Variants in TCF4 observed in about 807,000 individuals in gnomAD.
TCF4 encodes transcription factor 4.
In TCF4, 3 loss-of-function variants were observed where a neutral mutation model predicts 82.1. The ratio of observed to expected loss-of-function variants is 0.04; its 90% CI spans 0.02 to 0.09. TCF4 has a LOEUF of 0.09. Among genes scored for constraint, TCF4 ranks in the 10% least tolerant of loss-of-function variants. The probability of loss-of-function intolerance (pLI) is 1.00; values close to 1 mark genes in which losing one functional copy is unlikely to be tolerated. For missense variants in TCF4, 518 were observed against 852.7 expected (o/e 0.61, Z 4.89); for synonymous variants, 276 against 309.6 (o/e 0.89, Z 1.14).
Position 55,228,373 on chromosome 18 carries a change from T to A in TCF4, c.1880-12A>T. The A allele has an allele frequency of 6.2e-7, 1 of 1,613,558 alleles. No individual in the cohort carries two copies. The highest frequency in any genetic ancestry group is 8.5e-7 in the Non-Finnish European group (1 of 1,180,016). On this transcript the variant is annotated splice_polypyrimidine_tract_variant and intron_variant, in intron 18 of 19. Transcript: ENST00000354452. The stretch of plus-strand genomic sequence containing the variant: ...ATTCAGATTCCTTTCTGTGGAGGAT[T>A]AAAGCACAGAACCTTTGTTTAATGC...
At chr18:55,281,007 C>G (rs949124846) in intron 8 of TCF4, among the ~76,000 whole-genome samples, 4 of 151,940 alleles carry the variant, frequency 2.6e-5, no homozygotes, top group African/African-American at 7.3e-5. Flanking sequence ...TTTAACAAAA[C>G]AAAAACAAAC....
intron 6 of TCF4, among the ~76,000 whole-genome samples, chr18:55,368,016 C>T (rs2087714536): frequency 6.6e-6 from 1 of 152,192 alleles, no homozygotes; most frequent in Non-Finnish European, 1.5e-5. Flanking sequence ...ATCTAAGCAT[C>T]TTGAGAAATG....
rs2046453621 is a variant in TCF4 at position 55,225,346 on chromosome 18, T to C, written c.*2689A>G. 1 of 152,634 alleles carries C rather than the reference T, an allele frequency of 6.6e-6. No individual in the cohort carries two copies. Among genetic ancestry groups the C allele is most frequent in the Admixed American group, 6.5e-5 (1 of 15,274 alleles). The allele number at this position is 152,634 out of a possible 1,614,324, so 9.5% of individuals were successfully genotyped here. ...TAATCAAATGACTACAATTTACTTT[T>C]TTGCTTTGTTTACAGATTTGAAAAA... On this transcript the variant is annotated 3_prime_UTR_variant, in exon 20 of 20. Transcript: ENST00000354452.
rs12604158 is a variant in TCF4 at position 55,496,435 on chromosome 18, C to A, written c.146-32298G>T. ...AAAAAAAAAAAACCAGAAGAAAGAA[C>A]AATCTCCTAAGAACGATGATGCACA... is the stretch of plus-strand genomic sequence containing the variant. On this transcript the variant is annotated intron_variant, in intron 3 of 19. Coordinates refer to ENST00000354452, the MANE Select transcript of TCF4 (RefSeq NM_001083962.2). The A allele has an allele frequency of 1.0e-4, 15 of 146,056 alleles. No homozygotes were observed. In the East Asian group the frequency reaches 2.8e-3, roughly 27 times the overall value. The allele number at this position is 146,056 out of a possible 1,614,324, so 9.0% of individuals were successfully genotyped here.
chr18:55,481,852 T>C (rs760155599), intron 3 of TCF4, among the ~76,000 whole-genome samples: 49 of 152,328 alleles, frequency 3.2e-4, no homozygotes, highest in Admixed American at 2.6e-3. Flanking sequence ...TTATGAACAA[T>C]CTTTAAATCA....
intron 3 of TCF4, among the ~76,000 whole-genome samples, chr18:55,517,185 C>T (rs566711075): frequency 5.3e-5 from 8 of 152,262 alleles, no homozygotes; most frequent in African/African-American, 7.2e-5. Context: ...CCACATGACA[C>T]GCTTTGACCA....
chr18:55,430,650 A>C (rs2147142562), intron 5 of TCF4, among the ~76,000 whole-genome samples: 1 of 152,298 alleles, frequency 6.6e-6, no homozygotes, highest in African/African-American at 2.4e-5. Context: ...GGAAAAAAAA[A>C]AAGAGTAGTG....
chr18:55,619,436 A>G (rs1357734442), intron 2 of TCF4, among the ~76,000 whole-genome samples: 1 of 152,036 alleles, frequency 6.6e-6, no homozygotes, highest in Non-Finnish European at 1.5e-5. Flanking sequence ...CTGTCTTTGT[A>G]TGCTCTATTT....
chr18:55,258,555 ACT>A (rs1166043481), intron 13 of TCF4, among the ~76,000 whole-genome samples: 2 of 151,986 alleles, frequency 1.3e-5, no homozygotes, highest in African/African-American at 4.8e-5. Flanking sequence ...AAACTCAACA[ACT>A]CAACTCCCTT....
At chr18:55,268,137 C>A (rs2145911190) in intron 11 of TCF4, 1 of 152,188 alleles carries the variant, frequency 6.6e-6, no homozygotes, top group Admixed American at 6.6e-5. Flanking sequence ...GCAAATCAAT[C>A]AGAAAAAGTT....
intron 3 of TCF4, among the ~76,000 whole-genome samples, chr18:55,477,316 C>A (rs1482659900): frequency 6.6e-6 from 1 of 152,008 alleles, no homozygotes; most frequent in East Asian, 1.9e-4. Flanking sequence ...TGGTAGATGC[C>A]CTATATAAAA....
intron 3 of TCF4, among the ~76,000 whole-genome samples, chr18:55,565,154 A>G (rs2097392740): frequency 6.6e-6 from 1 of 152,206 alleles, no homozygotes; most frequent in South Asian, 2.1e-4. Context: ...AATGGGAGTT[A>G]TAGGTAATCT....
intron 5 of TCF4, among the ~76,000 whole-genome samples, chr18:55,406,934 C>T (rs1216999778): frequency 6.6e-6 from 1 of 152,014 alleles, no homozygotes; most frequent in African/African-American, 2.4e-5. Context: ...AGTGCCAAGC[C>T]CCATGGCTAA....
At chr18:55,460,975 C>T in intron 5 of TCF4, 44 bp downstream of exon 5, 2 of 1,554,516 alleles carry the variant, frequency 1.3e-6, no homozygotes, top group Non-Finnish European at 1.8e-6. Context: ...TATAGTAAAA[C>T]TTGAGCATTC....
At chr18:55,626,750 A>C (rs2097726886) in intron 2 of TCF4, among the ~76,000 whole-genome samples, 1 of 152,204 alleles carries the variant, frequency 6.6e-6, no homozygotes. Flanking sequence ...ATCCATCTGG[A>C]AAATGAAATG....
chr18:55,270,092 G>T, intron 10 of TCF4, 129 bp from the exon 11 acceptor site: 1 of 1,176,854 alleles, frequency 8.5e-7, no homozygotes, highest in Non-Finnish European at 1.2e-6. Context: ...AAATAGCCAA[G>T]AATATATCTT....
intron 5 of TCF4, among the ~76,000 whole-genome samples, chr18:55,431,572 G>A (rs925157894): frequency 6.6e-6 from 1 of 152,170 alleles, no homozygotes; most frequent in Non-Finnish European, 1.5e-5. Flanking sequence ...GAACCACCGT[G>A]GCCGGCCTCC....
At chr18:55,392,897 A>C (rs183256998) in intron 6 of TCF4, among the ~76,000 whole-genome samples, 131 of 152,346 alleles carry the variant, frequency 8.6e-4, no homozygotes, top group Admixed American at 1.7e-3. Flanking sequence ...CTTCTTGGTT[A>C]AATCACTATA....
chr18:55,403,117 G>T (rs551987718), intron 6 of TCF4, among the ~76,000 whole-genome samples: 1 of 152,108 alleles, frequency 6.6e-6, no homozygotes, highest in Non-Finnish European at 1.5e-5. Context: ...TATTTCCTGC[G>T]TAAGAAATTC....
Sources: allele counts gnomAD v4.1 joint callset (sites outside exome capture counted in the v4.1 genomes callset), GRCh38; gene constraint gnomAD v4.1.1; transcripts MANE v1.5; gene names NCBI Gene and HGNC (gene_info 2026-07-23, HGNC 2026-07-21).